The following AFG1L variants were observed in gnomAD, a reference collection of about 807,000 sequenced individuals.
AFG1L encodes AFG1 like ATPase.
In AFG1L, 53 loss-of-function variants were observed where a neutral mutation model predicts 62.2. The observed-to-expected ratio is 0.85, with a 90% CI of 0.68 to 1.07. The LOEUF is 1.07. Among genes scored for constraint, AFG1L ranks in the 50% least tolerant of loss-of-function variants. The pLI is 0.00. For synonymous variants in AFG1L, 228 were observed against 210.3 expected (o/e 1.08, Z -0.73); for missense variants, 555 against 590.5 (o/e 0.94, Z 0.62).
intron 1 of AFG1L, 66 bp downstream of exon 1, chr6:108,295,284 C>T: frequency 9.3e-6 from 14 of 1,513,314 alleles, no homozygotes; most frequent in Middle Eastern, 1.8e-4. Flanking sequence ...CTGGGATTAC[C>T]CTCCCTGTCC....
At chr6:108,404,128 A>AT (rs1290883146) in intron 7 of AFG1L, among the ~76,000 whole-genome samples, 1 of 152,164 alleles carries the variant, frequency 6.6e-6, no homozygotes, top group Non-Finnish European at 1.5e-5. Context: ...AGGTAGTTTA[A>AT]TATTAACTTA....
Position 108,523,159 on chromosome 6 carries a change from G to A in AFG1L, c.*734G>A, listed in dbSNP as rs1486184549. Reference sequence around the variant, plus strand: ...ACTCTGCAGCCAGGAATGGGGACCAGTGAGAGAGTGTGGGCGGGGGGGTGG... The same window carrying A: ...ACTCTGCAGCCAGGAATGGGGACCAATGAGAGAGTGTGGGCGGGGGGGTGG... On this transcript the variant is annotated 3_prime_UTR_variant, in exon 13 of 13. Coordinates refer to ENST00000368977, the MANE Select transcript of AFG1L (RefSeq NM_145315.5). 3 of 147,872 alleles carry A rather than the reference G, an allele frequency of 2.0e-5. No homozygotes were observed. The highest frequency in any genetic ancestry group is 3.0e-5 in the Non-Finnish European group (2 of 66,962). 9.2% of individuals were successfully genotyped at this position (147,872 alleles called of 1,614,324 possible). A position where few individuals can be genotyped will look rare whatever the true frequency, so the allele number is the denominator to read the frequency against.
chr6:108,317,025 T>A (rs1215832809), intron 1 of AFG1L, among the ~76,000 whole-genome samples: 2 of 152,204 alleles, frequency 1.3e-5, no homozygotes, highest in Non-Finnish European at 2.9e-5. Flanking sequence ...TAAGTCTGTC[T>A]TGGATGCCAA....
At chr6:108,408,197 A>G (rs1258396882) in intron 7 of AFG1L, among the ~76,000 whole-genome samples, 1 of 141,340 alleles carries the variant, frequency 7.1e-6, no homozygotes, top group Non-Finnish European at 1.5e-5. Flanking sequence ...CGTGAGGCTT[A>G]TTTTTAAACT....
In AFG1L at chr6:108,519,659, T is replaced by A. The variant is rs776997329; in HGVS notation, c.1204-38T>A. 1.4e-5 allele frequency: 15 copies of A among 1,076,590 alleles called. 1 individual carries two copies. The highest frequency in any genetic ancestry group is 1.2e-4 in the South Asian group (9 of 74,742). 66.7% of individuals were successfully genotyped at this position (1,076,590 alleles called of 1,614,324 possible). A position where few individuals can be genotyped will look rare whatever the true frequency, so the allele number is the denominator to read the frequency against. ...TTTCTTACCTTCAACTTGTGAAATG[T>A]AAAGAGTAACACATTTACCCATTTT... On this transcript the variant is annotated intron_variant, in intron 11 of 12. Coordinates refer to ENST00000368977, the MANE Select transcript of AFG1L (RefSeq NM_145315.5).
chr6:108,518,737 CTCAT>C (rs1218506689), intron 11 of AFG1L, among the ~76,000 whole-genome samples: 1 of 152,174 alleles, frequency 6.6e-6, no homozygotes, highest in Non-Finnish European at 1.5e-5. Context: ...CATATGAACA[CTCAT>C]TCAAATACTT....
chr6:108,354,363 G>A (rs1007834570), intron 3 of AFG1L, among the ~76,000 whole-genome samples: 1 of 151,874 alleles, frequency 6.6e-6, no homozygotes, highest in African/African-American at 2.4e-5. Context: ...AGGCTGGAGT[G>A]CAGTGGCACG....
At chr6:108,357,340 C>CA (rs1045212318) in intron 5 of AFG1L, among the ~76,000 whole-genome samples, 1 of 152,052 alleles carries the variant, frequency 6.6e-6, no homozygotes, top group Middle Eastern at 3.2e-3. Flanking sequence ...TTCAGCCTCC[C>CA]AAAGTGCTGA....
At chr6:108,310,130 T>A (rs538899179) in intron 1 of AFG1L, among the ~76,000 whole-genome samples, 21 of 152,266 alleles carry the variant, frequency 1.4e-4, no homozygotes, top group Middle Eastern at 3.4e-3. Flanking sequence ...TTAGGAAACC[T>A]CATCTTTTAT....
chr6:108,370,194 C>G (rs1779942463), intron 6 of AFG1L, among the ~76,000 whole-genome samples: 1 of 151,928 alleles, frequency 6.6e-6, no homozygotes, highest in Admixed American at 6.6e-5. Context: ...GGATTTTATT[C>G]TAAGAGAAAC....
intron 1 of AFG1L, among the ~76,000 whole-genome samples, chr6:108,306,947 G>T (rs1232898711): frequency 5.9e-5 from 9 of 151,974 alleles, no homozygotes; most frequent in Non-Finnish European, 1.0e-4. Flanking sequence ...TATTAAAACA[G>T]GTCTCTCCTG....
chr6:108,341,095 C>T (rs1250585924), intron 2 of AFG1L, among the ~76,000 whole-genome samples: 1 of 152,234 alleles, frequency 6.6e-6, no homozygotes, highest in East Asian at 1.9e-4. Flanking sequence ...CAGCAATCCT[C>T]AGCAATCTGG....
At chr6:108,494,999 T>A (rs1039714787) in intron 10 of AFG1L, among the ~76,000 whole-genome samples, 1 of 152,052 alleles carries the variant, frequency 6.6e-6, no homozygotes, top group Non-Finnish European at 1.5e-5. Context: ...GGTCTTCAAC[T>A]CCTGACCTCA....
intron 7 of AFG1L, among the ~76,000 whole-genome samples, chr6:108,435,954 A>G (rs925438603): frequency 2.0e-5 from 3 of 152,192 alleles, no homozygotes; most frequent in Non-Finnish European, 4.4e-5. Flanking sequence ...TGTGTGCTAG[A>G]TAGTAACTGC....
rs1770752776 is a variant in AFG1L, at chr6:108,425,068, A to T, written c.808-22146A>T. 2.0e-5 allele frequency among the ~76,000 whole-genome samples: 3 copies of T among 152,156 alleles called. No homozygotes were observed. In the South Asian group the frequency reaches 6.2e-4, roughly 32 times the overall value. On this transcript the variant is annotated intron_variant, in intron 7 of 12. Transcript: ENST00000368977. ...GAAGAAGTTACCTGACGTAGAACTG[A>T]ATAAGTTATGCATAGTGACAGCTGA...
rs776176851 is a variant in AFG1L, at chr6:108,401,986, T to C, written c.749-10T>C. The C allele has an allele frequency of 4.4e-6, 6 of 1,359,958 alleles. No individual in the cohort carries two copies. The Admixed American group carries it at 1.3e-4, about 30-fold the overall frequency. The allele number at this position is 1,359,958 out of a possible 1,614,324, so 84.2% of individuals were successfully genotyped here. A position where few individuals can be genotyped will look rare whatever the true frequency, so the allele number is the denominator to read the frequency against. ...CTAAGCAAAAAACTAATATCATTTT[T>C]TTCTTTCAGATCTCTATAAAAATGG... On this transcript the variant is annotated splice_polypyrimidine_tract_variant and intron_variant, in intron 6 of 12. Transcript: ENST00000368977.
chr6:108,502,266 C>T (rs761219057), intron 10 of AFG1L, among the ~76,000 whole-genome samples: 9 of 151,756 alleles, frequency 5.9e-5, no homozygotes, highest in African/African-American at 1.5e-4. Context: ...AGTGCAATGG[C>T]GTGATCTCGG....
chr6:108,425,980 C>CATTATT (rs1770797814), intron 7 of AFG1L, among the ~76,000 whole-genome samples: 1 of 151,990 alleles, frequency 6.6e-6, no homozygotes, highest in Non-Finnish European at 1.5e-5. Context: ...TACTAATAAG[C>CATTATT]AGTGAAATGA....
chr6:108,460,710 C>T (rs1772424040), intron 8 of AFG1L, among the ~76,000 whole-genome samples: 1 of 152,160 alleles, frequency 6.6e-6, no homozygotes, highest in African/African-American at 2.4e-5. Context: ...GTAATCCCAG[C>T]ACTTTGGGAG....
Sources: allele counts gnomAD v4.1 joint callset (sites outside exome capture counted in the v4.1 genomes callset), GRCh38; gene constraint gnomAD v4.1.1; transcripts MANE v1.5; gene names NCBI Gene and HGNC (gene_info 2026-07-23, HGNC 2026-07-21).